Variants in SERPINB8 observed in about 807,000 individuals in gnomAD.
The protein encoded by SERPINB8 is serpin B8.
In SERPINB8, 25 loss-of-function variants were observed where a neutral mutation model predicts 35.3. The ratio of observed to expected loss-of-function variants is 0.71; its 90% confidence interval spans 0.52 to 0.99. The LOEUF is 0.99. Among genes scored for constraint, SERPINB8 ranks in the 50% least tolerant of loss-of-function variants. The pLI, the probability that SERPINB8 is intolerant of heterozygous loss-of-function variation, is 0.00. For synonymous variants in SERPINB8, 186 were observed against 160.8 expected (o/e 1.16, Z -1.19); for missense variants, 484 against 446.5 (o/e 1.08, Z -0.76).
At chr18:63,975,039 T>C (rs1392154090) in intron 1 of SERPINB8, among the ~76,000 whole-genome samples, 3 of 151,992 alleles carry the variant, frequency 2.0e-5, no homozygotes, top group African/African-American at 7.3e-5. Flanking sequence ...ATGAGATTGA[T>C]GCAATAGTTC....
chr18:63,996,967 C>T, intron 1 of SERPINB8, among the ~76,000 whole-genome samples: 1 of 152,232 alleles, frequency 6.6e-6, no homozygotes. Flanking sequence ...GGGGCCCATT[C>T]AACAGGCTAC....
chr18:64,008,742 T>C (rs1377623470), downstream of SERPINB8, among the ~76,000 whole-genome samples: 1 of 152,194 alleles, frequency 6.6e-6, no homozygotes, highest in East Asian at 1.9e-4. Flanking sequence ...CAAATATAAT[T>C]CAAAAACAAT....
chr18:63,987,070 A>G lies in SERPINB8; in HGVS notation c.917A>G (p.Lys306Arg), dbSNP rs746394689. Reference protein sequence around the residue: ...KADFSGMSTEKNVPLSKVAHK... With the variant: ...KADFSGMSTERNVPLSKVAHK... ...GACTTTTCTGGAATGTCAACTGAGA[A>G]GAATGTGCCTCTGTCCAAGGTTGCC... The change falls in exon 7 of 7, where the codon AAG (lysine) becomes AGG (arginine). Residue 306 changes from lysine to arginine, a missense_variant. Coordinates refer to ENST00000397985, the MANE Select transcript of SERPINB8 (RefSeq NM_002640.4). 9.3e-6 allele frequency: 15 copies of G among 1,614,244 alleles called. No individual in the cohort carries two copies. In the South Asian group the frequency reaches 1.5e-4, roughly 17 times the overall value.
Position 63,985,087 on chromosome 18 carries a change from C to G in SERPINB8, c.568-6C>G. 1 of 1,611,348 alleles carries G rather than the reference C, an allele frequency of 6.2e-7. No individual in the cohort carries two copies. The highest frequency in any genetic ancestry group is 8.5e-7 in the Non-Finnish European group (1 of 1,178,572). The stretch of plus-strand genomic sequence containing the variant: ...TTCAGTAATCGAACTTTAATTTTTC[C>G]GTTAGGAAAAAAAGACAGTGCAGAT... On this transcript the variant is annotated splice_region_variant and splice_polypyrimidine_tract_variant and intron_variant, in intron 5 of 6. Transcript: ENST00000397985.
intron 6 of SERPINB8, chr18:63,986,397 AAC>A (rs1176715268): frequency 6.5e-7 from 1 of 1,539,512 alleles, no homozygotes; most frequent in East Asian, 2.3e-5. Flanking sequence ...CTTCAGATGA[AAC>A]ACAATTCCCT....
At chr18:63,986,674 C>A (rs570501661) in intron 6 of SERPINB8, 200 bp from the exon 7 acceptor site, 1 of 1,375,830 alleles carries the variant, frequency 7.3e-7, no homozygotes, top group Non-Finnish European at 9.4e-7. Flanking sequence ...AGCTCTTTTA[C>A]ACTTGTCTCC....
chr18:63,992,282 T>C (rs116499457), downstream of SERPINB8, among the ~76,000 whole-genome samples: 727 of 152,360 alleles, frequency 4.8e-3, 9 homozygotes, highest in African/African-American at 0.017. Context: ...TCTATTTTCA[T>C]TAATAGATAG....
In SERPINB8 at chr18:63,978,419, T is replaced by C; in HGVS notation, c.111T>C (p.Ser37=). The C allele has an allele frequency of 6.2e-7, 1 of 1,614,224 alleles. No homozygotes were observed. Among genetic ancestry groups the C allele is most frequent in the Non-Finnish European group, 8.5e-7 (1 of 1,180,030 alleles). Residue 37 remains serine, a synonymous_variant, in exon 2 of 7, where the codon TCT becomes TCC. Coordinates refer to ENST00000397985, the MANE Select transcript of SERPINB8 (RefSeq NM_002640.4). Reference sequence around the variant, plus strand: ...TCTTCTCTCCCATGAGCATCTCCTCTGCCCTGGCCATGGTCTTCATGGGGG... The same window carrying C: ...TCTTCTCTCCCATGAGCATCTCCTCCGCCCTGGCCATGGTCTTCATGGGGG... ...NVFFSPMSIS[S]ALAMVFMGAK... is the part of the protein sequence containing the mutation.
downstream of SERPINB8, among the ~76,000 whole-genome samples, chr18:64,009,911 T>C (rs1446408037): frequency 2.6e-5 from 4 of 152,046 alleles, no homozygotes; most frequent in Admixed American, 6.6e-5. Flanking sequence ...GACAAAACAA[T>C]AAGAGGAAAC....
At chr18:63,992,167 A>G (rs2050828268), downstream of SERPINB8, among the ~76,000 whole-genome samples, 1 of 152,200 alleles carries the variant, frequency 6.6e-6, no homozygotes, top group South Asian at 2.1e-4. Context: ...TGAGAAACAT[A>G]CCTACCTTTG....
intron 1 of SERPINB8, among the ~76,000 whole-genome samples, chr18:64,003,786 G>T (rs975665894): frequency 6.6e-6 from 1 of 152,042 alleles, no homozygotes; most frequent in African/African-American, 2.4e-5. Context: ...CAGACATTTT[G>T]TTGTATGCAG....
downstream of SERPINB8, among the ~76,000 whole-genome samples, chr18:63,994,271 G>T (rs1043674569): frequency 6.6e-6 from 1 of 152,090 alleles, no homozygotes; most frequent in African/African-American, 2.4e-5. Context: ...TACTTTCAGT[G>T]GGGCTAGTTG....
At chr18:63,994,596 G>A (rs1399511430) in intron 1 of SERPINB8, among the ~76,000 whole-genome samples, 3 of 152,080 alleles carry the variant, frequency 2.0e-5, no homozygotes, top group South Asian at 2.1e-4. Context: ...TTCCGAGGGG[G>A]ATCATTGGTC....
At chr18:63,978,139 C>A (rs544411619) in intron 1 of SERPINB8, among the ~76,000 whole-genome samples, 160 bp from the exon 2 acceptor site, 9 of 152,298 alleles carry the variant, frequency 5.9e-5, no homozygotes, top group Non-Finnish European at 1.0e-4. Context: ...ATTGCCAGGG[C>A]AGATCATGTA....
In SERPINB8 at chr18:63,970,164, G is replaced by A. The variant is rs938049022; in HGVS notation, c.-17G>A. 3 of 365,200 alleles carry A rather than the reference G, an allele frequency of 8.2e-6. No individual in the cohort carries two copies. The highest frequency in any genetic ancestry group is 1.6e-5 in the Non-Finnish European group (3 of 185,462). 22.6% of individuals were successfully genotyped at this position (365,200 alleles called of 1,614,324 possible). ...GGCGGCGGCGGCAGCAGCAGCAGCA[G>A]CAGGAGGTGGGGGCCTCTGCCAGGT... On this transcript the variant is annotated 5_prime_UTR_variant, in exon 1 of 7. Coordinates refer to ENST00000397985, the MANE Select transcript of SERPINB8 (RefSeq NM_002640.4).
At chr18:63,995,440 C>T (rs1438659888) in intron 1 of SERPINB8, among the ~76,000 whole-genome samples, 1 of 152,202 alleles carries the variant, frequency 6.6e-6, no homozygotes, top group African/African-American at 2.4e-5. Context: ...ATAATGTTCT[C>T]TGGTTTAGGG....
intron 1 of SERPINB8, among the ~76,000 whole-genome samples, chr18:63,974,747 T>C: frequency 6.6e-6 from 1 of 152,126 alleles, no homozygotes; most frequent in East Asian, 1.9e-4. Flanking sequence ...AAAGTCCAAA[T>C]GAGATTGGAA....
intron 1 of SERPINB8, among the ~76,000 whole-genome samples, chr18:63,972,998 G>A (rs893705559): frequency 6.6e-5 from 10 of 152,222 alleles, no homozygotes; most frequent in Non-Finnish European, 1.0e-4. Flanking sequence ...TCCTTTGGGT[G>A]TATACCCAGT....
rs1360880352 is a variant in SERPINB8 at position 63,983,634 on chromosome 18, C to T, written c.480C>T (p.Val160=). Residue 160 remains valine (V), a synonymous_variant, in exon 5 of 7, where the codon GTC becomes GTT. Transcript: ENST00000397985. ...CAGTCGATCCCCTGACAAAGCTGGT[C>T]CTTGTGAATGCCATTTATTTCAAGG... ...AGTVDPLTKL[V]LVNAIYFKGK... The T allele has an allele frequency of 6.2e-7, 1 of 1,613,592 alleles. No individual in the cohort carries two copies.
Sources: gnomAD v4.1 joint callset for allele counts (sites outside exome capture counted in the v4.1 genomes callset) on GRCh38, gnomAD v4.1.1 for gene constraint, MANE v1.5 for transcripts, NCBI Gene and HGNC (gene_info 2026-07-23, HGNC 2026-07-21) for gene names.